HYCC2: variants seen among roughly 807,000 people sequenced by gnomAD.
HYCC2 encodes the protein hyccin 2.
At chr2:201,063,644 A>G in the HYCC2 span, 1 of 1,574,770 alleles carries the variant, frequency 6.4e-7, no homozygotes, top group Non-Finnish European at 8.6e-7. Context: ...AAAGCAAGAG[A>G]TGACTAGTGC....
At chr2:201,065,820 G>A in the HYCC2 span, among the ~76,000 whole-genome samples, 1 of 152,094 alleles carries the variant, frequency 6.6e-6, no homozygotes, top group African/African-American at 2.4e-5. Flanking sequence ...TATAGAATAG[G>A]AACTAAAGTT....
chr2:201,057,459 G>A, the HYCC2 span, among the ~76,000 whole-genome samples: 1 of 152,166 alleles, frequency 6.6e-6, no homozygotes, highest in Non-Finnish European at 1.5e-5. Flanking sequence ...ACAGCTGCCT[G>A]GAATCACCCA....
chr2:201,036,919 T>A, the HYCC2 span, among the ~76,000 whole-genome samples: 1 of 152,096 alleles, frequency 6.6e-6, no homozygotes, highest in African/African-American at 2.4e-5. Context: ...GAGAAAGAAA[T>A]AAAGGGTATT....
chr2:201,053,846 C>A, the HYCC2 span, among the ~76,000 whole-genome samples: 23 of 152,268 alleles, frequency 1.5e-4, 1 homozygote, highest in African/African-American at 5.3e-4. Context: ...CACCTGTAAT[C>A]CCAGCTACTT....
chr2:201,037,043 C>A, the HYCC2 span, among the ~76,000 whole-genome samples: 1 of 152,336 alleles, frequency 6.6e-6, no homozygotes, highest in African/African-American at 2.4e-5. Context: ...GCAACTTCAG[C>A]AAAGTCTCAG....
chr2:200,983,935 T>C, the HYCC2 span, among the ~76,000 whole-genome samples: 6 of 152,342 alleles, frequency 3.9e-5, no homozygotes, highest in Admixed American at 2.0e-4. Flanking sequence ...TCTACTGATA[T>C]TTTATATACT....
the HYCC2 span, among the ~76,000 whole-genome samples, chr2:201,017,815 T>A: frequency 2.6e-5 from 4 of 152,216 alleles, no homozygotes; most frequent in Non-Finnish European, 4.4e-5. Flanking sequence ...TTTGTAAGTG[T>A]TCTGTGGAAT....
At chr2:201,048,859 C>A in the HYCC2 span, among the ~76,000 whole-genome samples, 1 of 151,952 alleles carries the variant, frequency 6.6e-6, no homozygotes, top group Non-Finnish European at 1.5e-5. Context: ...CAGGGCATGG[C>A]GGCTCAAGCC....
At chr2:201,013,593 A>G in the HYCC2 span, among the ~76,000 whole-genome samples, 36 of 152,288 alleles carry the variant, frequency 2.4e-4, no homozygotes, top group Middle Eastern at 3.4e-3. Flanking sequence ...AGAGAAGAAT[A>G]CCAATTACAT....
At chr2:201,030,038 G>A in the HYCC2 span, among the ~76,000 whole-genome samples, 1 of 152,132 alleles carries the variant, frequency 6.6e-6, no homozygotes, top group African/African-American at 2.4e-5. Flanking sequence ...AGTGAGCTAT[G>A]ACCATGCCAG....
chr2:201,002,720 T>C, the HYCC2 span, among the ~76,000 whole-genome samples: 1 of 152,116 alleles, frequency 6.6e-6, no homozygotes, highest in Non-Finnish European at 1.5e-5. Flanking sequence ...GAGACGGGTT[T>C]CACTGTGTTG....
the HYCC2 span, among the ~76,000 whole-genome samples, chr2:201,028,800 T>C: frequency 4.9e-4 from 75 of 152,152 alleles, no homozygotes; most frequent in African/African-American, 1.7e-3. Context: ...TTACACCTTA[T>C]ACAAAAATTA....
chr2:200,981,079 G>A, the HYCC2 span: 1 of 668,946 alleles, frequency 1.5e-6, no homozygotes, highest in East Asian at 2.7e-5. This position sits in a 1 kb window ranked among gnomAD's most constrained non-coding sequence, Gnocchi z 4.5. Flanking sequence ...TAGGTGAAGA[G>A]AAGATGTAGG....
chr2:201,058,805 C>T, the HYCC2 span, among the ~76,000 whole-genome samples: 1 of 152,158 alleles, frequency 6.6e-6, no homozygotes, highest in Non-Finnish European at 1.5e-5. Flanking sequence ...TCCATTCTAC[C>T]CTGGATAAAA....
the HYCC2 span, chr2:201,066,690 G>A: frequency 1.3e-5 from 2 of 152,306 alleles, no homozygotes; most frequent in African/African-American, 4.8e-5. Flanking sequence ...GTTTTCACAA[G>A]ATAGTGCCGA....
chr2:201,054,667 G>C, the HYCC2 span, among the ~76,000 whole-genome samples: 1 of 151,996 alleles, frequency 6.6e-6, no homozygotes, highest in Admixed American at 6.6e-5. Flanking sequence ...GTGGAGGGAG[G>C]AAAGGATCCA....
the HYCC2 span, among the ~76,000 whole-genome samples, chr2:201,070,971 T>G: frequency 6.6e-6 from 1 of 152,134 alleles, no homozygotes; most frequent in Non-Finnish European, 1.5e-5. Context: ...CTATCCTCCA[T>G]GCTACCACCC....
chr2:200,995,059 C>T, the HYCC2 span, among the ~76,000 whole-genome samples: 2 of 150,618 alleles, frequency 1.3e-5, no homozygotes, highest in African/African-American at 2.4e-5. Flanking sequence ...AATAATGTTG[C>T]CAATAAGAGA....
the HYCC2 span, among the ~76,000 whole-genome samples, chr2:201,036,121 A>G: frequency 3.3e-5 from 5 of 152,196 alleles, no homozygotes; most frequent in Admixed American, 2.0e-4. Flanking sequence ...ACACCTCTAC[A>G]CAAACAAACT....
Sources: allele counts gnomAD v4.1 joint callset (sites outside exome capture counted in the v4.1 genomes callset), GRCh38; gene constraint gnomAD v4.1.1; non-coding constraint Gnocchi (gnomAD v3.1); transcripts MANE v1.5; gene names NCBI Gene and HGNC (gene_info 2026-07-23, HGNC 2026-07-21).